The following KCNQ5 variants were observed in gnomAD, a reference collection of about 807,000 sequenced individuals.
The protein encoded by KCNQ5 is potassium voltage-gated channel subfamily Q member 5.
A neutral mutation model predicts 98.2 loss-of-function variants in KCNQ5; 30 were observed. That is an observed-to-expected ratio of 0.31 (90% CI 0.23 to 0.41). KCNQ5 has a LOEUF of 0.41. Ranked by LOEUF, KCNQ5 falls within the 10% of genes least tolerant of loss-of-function variation. The probability of loss-of-function intolerance (pLI) is 1.00; values close to 1 mark genes in which losing one functional copy is unlikely to be tolerated. For synonymous variants in KCNQ5, 458 were observed against 449.4 expected (o/e 1.02, Z -0.24); for missense variants, 835 against 1,182.5 (o/e 0.71, Z 4.31).
intron 1 of KCNQ5, among the ~76,000 whole-genome samples, chr6:72,732,681 G>A (rs1171756228): frequency 6.6e-6 from 1 of 152,202 alleles, no homozygotes; most frequent in Non-Finnish European, 1.5e-5. Flanking sequence ...AAGCAGGGAT[G>A]TGGTGTGCTC....
At chr6:72,630,894 A>G (rs1482673468) in intron 1 of KCNQ5, among the ~76,000 whole-genome samples, 1 of 152,196 alleles carries the variant, frequency 6.6e-6, no homozygotes, top group Non-Finnish European at 1.5e-5. Context: ...TAGATTGGTG[A>G]TTCTACTAGC....
At chr6:73,036,171 G>A (rs1237563063) in intron 2 of KCNQ5, among the ~76,000 whole-genome samples, 2 of 151,864 alleles carry the variant, frequency 1.3e-5, no homozygotes, top group Non-Finnish European at 2.9e-5. Context: ...CAGATCACGA[G>A]GTCAGGAGAT....
chr6:73,179,341 C>T (rs990178154), intron 11 of KCNQ5, among the ~76,000 whole-genome samples: 3 of 152,108 alleles, frequency 2.0e-5, no homozygotes, highest in Admixed American at 2.0e-4. Flanking sequence ...AGTGAGCATG[C>T]TAAGTGCTAA....
chr6:73,003,060 A>C (rs941944568), intron 1 of KCNQ5, among the ~76,000 whole-genome samples: 2 of 147,420 alleles, frequency 1.4e-5, no homozygotes, highest in African/African-American at 5.2e-5. Flanking sequence ...CAAATAGCTC[A>C]GGTTTTTTTT....
intron 1 of KCNQ5, among the ~76,000 whole-genome samples, chr6:72,824,063 G>T (rs1582360829): frequency 6.6e-6 from 1 of 151,638 alleles, no homozygotes; most frequent in South Asian, 2.1e-4. Context: ...TATATTTCTT[G>T]TTTTCATCCA....
intron 5 of KCNQ5, among the ~76,000 whole-genome samples, chr6:73,103,768 GA>G (rs1774893599): frequency 6.6e-6 from 1 of 151,562 alleles, no homozygotes. Flanking sequence ...AAAAAAACCA[GA>G]AAGAGTGAAT....
chr6:72,822,934 C>T (rs949871317), intron 1 of KCNQ5, among the ~76,000 whole-genome samples: 3 of 152,162 alleles, frequency 2.0e-5, no homozygotes, highest in Non-Finnish European at 4.4e-5. Context: ...ACTTAGATCC[C>T]TGCTTCCATT....
At chr6:72,713,054 T>C (rs1769450078) in intron 1 of KCNQ5, among the ~76,000 whole-genome samples, 1 of 152,182 alleles carries the variant, frequency 6.6e-6, no homozygotes. Context: ...AATAAATAAA[T>C]GAATACATGC....
intron 5 of KCNQ5, among the ~76,000 whole-genome samples, chr6:73,083,286 GA>G (rs1411944023): frequency 1.3e-5 from 2 of 152,144 alleles, no homozygotes; most frequent in Non-Finnish European, 2.9e-5. Flanking sequence ...ATATGGTACA[GA>G]AAGAAAGATG....
Position 73,094,222 on chromosome 6 carries a change from G to A in KCNQ5, c.919-11035G>A, listed in dbSNP as rs185977993. Among the ~76,000 whole-genome samples the A allele has an allele frequency of 6.4e-4, 97 of 152,132 alleles. 1 individual carries two copies. The highest frequency in any genetic ancestry group is 1.9e-3 in the African/African-American group (80 of 41,510). On this transcript the variant is annotated intron_variant, in intron 5 of 13. Transcript: ENST00000370398. ...TGTTTGTCTAAGAATAGGTACTCCC[G>A]TTTGCTTTTGGTGTCCATATTCCAA...
intron 1 of KCNQ5, among the ~76,000 whole-genome samples, chr6:72,982,015 A>G (rs1729698666): frequency 1.3e-5 from 2 of 152,204 alleles, no homozygotes; most frequent in Admixed American, 1.3e-4. Flanking sequence ...CTGTGGTCTA[A>G]GAGACAGTTT....
intron 2 of KCNQ5, among the ~76,000 whole-genome samples, chr6:73,017,116 G>A (rs947602014): frequency 2.0e-5 from 3 of 152,024 alleles, no homozygotes; most frequent in African/African-American, 7.2e-5. Flanking sequence ...CTACATTTTA[G>A]CCCCTGTGCT....
chr6:72,914,045 A>G (rs75044190), intron 1 of KCNQ5, among the ~76,000 whole-genome samples: 2,177 of 152,158 alleles, frequency 0.014, 43 homozygotes, highest in Middle Eastern at 0.051. Context: ...GGAACTTAGG[A>G]TCTGCTTCAG....
chr6:72,724,997 G>C (rs1449532847), intron 1 of KCNQ5, among the ~76,000 whole-genome samples: 1 of 151,972 alleles, frequency 6.6e-6, no homozygotes, highest in Non-Finnish European at 1.5e-5. Context: ...ATAATGTCTT[G>C]GTTCACCCAA....
At chr6:73,112,602 C>T (rs1002728621) in intron 7 of KCNQ5, among the ~76,000 whole-genome samples, 5 of 152,182 alleles carry the variant, frequency 3.3e-5, no homozygotes, top group Non-Finnish European at 5.9e-5. Flanking sequence ...ACCTCGGCCT[C>T]CCAAAGTGCT....
intron 3 of KCNQ5, among the ~76,000 whole-genome samples, chr6:73,070,507 CT>C (rs1456985140): frequency 6.6e-6 from 1 of 152,040 alleles, no homozygotes; most frequent in Non-Finnish European, 1.5e-5. Flanking sequence ...AAGTTTATTT[CT>C]TACTTGTGTA....
At chr6:72,730,419 T>C (rs1471656789) in intron 1 of KCNQ5, among the ~76,000 whole-genome samples, 2 of 152,170 alleles carry the variant, frequency 1.3e-5, no homozygotes, top group African/African-American at 4.8e-5. Flanking sequence ...ATAAAAAGAA[T>C]TCTCCTGTAC....
chr6:72,930,297 G>A (rs1346563511), intron 1 of KCNQ5, among the ~76,000 whole-genome samples: 2 of 152,034 alleles, frequency 1.3e-5, no homozygotes, highest in Admixed American at 6.6e-5. Flanking sequence ...TTAAAAGCAA[G>A]TTCATCTGAA....
At chr6:72,868,838 G>T (rs1463390576) in intron 1 of KCNQ5, among the ~76,000 whole-genome samples, 1 of 152,198 alleles carries the variant, frequency 6.6e-6, no homozygotes, top group African/African-American at 2.4e-5. Context: ...TCAAGTACAA[G>T]AAACAAGGTT....
Sources: allele counts gnomAD v4.1 joint callset (sites outside exome capture counted in the v4.1 genomes callset), GRCh38; gene constraint gnomAD v4.1.1; transcripts MANE v1.5; gene names NCBI Gene and HGNC (gene_info 2026-07-23, HGNC 2026-07-21).